PCDHGB4: variants seen among roughly 807,000 people sequenced by gnomAD.
PCDHGB4 encodes protocadherin gamma-B4.
PCDHGB4 carries 38 observed loss-of-function variants against 60.5 expected under a neutral mutation model. That is an observed-to-expected ratio of 0.63 (90% CI 0.48 to 0.82). PCDHGB4 has a LOEUF of 0.82. Among genes scored for constraint, PCDHGB4 ranks in the 40% least tolerant of loss-of-function variants. The pLI, the probability that PCDHGB4 is intolerant of heterozygous loss-of-function variation, is 0.00. For synonymous variants in PCDHGB4, 456 were observed against 509.7 expected, an observed-to-expected ratio of 0.89 and a Z score of 1.42; for missense variants, 1,109 against 1,209.6, an observed-to-expected ratio of 0.92 and a Z score of 1.23.
chr5:141,494,705 G>C, intron 1 of PCDHGB4, 102 bp from the exon 2 acceptor site: 1 of 1,597,990 alleles, frequency 6.3e-7, no homozygotes, highest in Non-Finnish European at 8.6e-7. Flanking sequence ...TTTCTTCTCT[G>C]TGCCCACTCC....
chr5:141,432,305 G>T lies in PCDHGB4; in HGVS notation c.2397+42024G>T. 1 of 1,614,254 alleles carries T rather than the reference G, an allele frequency of 6.2e-7. No individual in the cohort carries two copies. Among genetic ancestry groups the T allele is most frequent in the African/African-American group, 1.3e-5 (1 of 75,072 alleles). ...CAACTCCGACACTGGGGTACTGTAT[G>T]CGCTGAGCTCCTTCGACTACGAGCA... On this transcript the variant is annotated intron_variant, in intron 1 of 3. Transcript: ENST00000519479. This position sits in a 1 kb window ranked among gnomAD's most constrained non-coding sequence, Gnocchi z 6.0.
Position 141,388,437 on chromosome 5 carries a change from A to C in PCDHGB4, c.553A>C (p.Lys185Gln). Residue 185 changes from lysine to glutamine, a missense_variant, in exon 1 of 4, where the codon AAA becomes CAA. Coordinates refer to ENST00000519479, the MANE Select transcript of PCDHGB4 (RefSeq NM_003736.4). ...SDHFSLINKEKSDGSKYPEMV... is the reference protein window; with the variant it reads ...SDHFSLINKEQSDGSKYPEMV... ...TCATTTCTCACTGATAAATAAAGAG[A>C]AATCAGATGGCAGTAAATACCCTGA... The C allele has an allele frequency of 6.2e-7, 1 of 1,613,892 alleles. No homozygotes were observed. Among genetic ancestry groups the C allele is most frequent in the Non-Finnish European group, 8.5e-7 (1 of 1,179,882 alleles).
At chr5:141,472,998 GAAAGAA>G (rs1489589280) in intron 1 of PCDHGB4, among the ~76,000 whole-genome samples, 8 of 134,744 alleles carry the variant, frequency 5.9e-5, no homozygotes, top group South Asian at 2.3e-4. Flanking sequence ...AAAAAAAAAA[GAAAGAA>G]AAAGAAAAAG....
At chr5:141,478,169 G>T in intron 1 of PCDHGB4, 1 of 1,613,834 alleles carries the variant, frequency 6.2e-7, no homozygotes, top group Non-Finnish European at 8.5e-7. Flanking sequence ...TGCCCCCCGG[G>T]AGCAGAAAAA....
intron 1 of PCDHGB4, chr5:141,393,380 C>T (rs771237283): frequency 6.2e-7 from 1 of 1,613,988 alleles, no homozygotes; most frequent in South Asian, 1.1e-5. Context: ...ACAATGGAGC[C>T]ATAAACCCAG....
intron 1 of PCDHGB4, among the ~76,000 whole-genome samples, chr5:141,449,909 A>G (rs2098658849): frequency 6.6e-6 from 1 of 151,828 alleles, no homozygotes; most frequent in Non-Finnish European, 1.5e-5. Context: ...TATAGTCCAT[A>G]TTTAAATTCT....
Position 141,431,222 on chromosome 5 carries a change from C to A in PCDHGB4, c.2397+40941C>A. On this transcript the variant is annotated intron_variant, in intron 1 of 3. Transcript: ENST00000519479. The surrounding 1 kb of genome is among the most constrained non-coding windows in gnomAD (Gnocchi z 4.8). ...AGCCACTGAGATGCGGTTCCCTCTA[C>A]CCCACGCCTGGGATCCGGATATCGG... 3 of 1,614,170 alleles carry A rather than the reference C, an allele frequency of 1.9e-6. No individual in the cohort carries two copies. The highest frequency in any genetic ancestry group is 2.5e-6 in the Non-Finnish European group (3 of 1,180,034).
intron 1 of PCDHGB4, chr5:141,478,432 G>T (rs1238011675): frequency 6.2e-7 from 1 of 1,613,728 alleles, no homozygotes; most frequent in Admixed American, 1.7e-5. Context: ...GCGACCCGCT[G>T]CTGAAGAAAC....
chr5:141,499,414 T>C (rs543824206), intron 2 of PCDHGB4, among the ~76,000 whole-genome samples: 1 of 151,804 alleles, frequency 6.6e-6, no homozygotes, highest in Non-Finnish European at 1.5e-5. Context: ...TATAGAAACA[T>C]GAAAAATAGA....
In PCDHGB4 at chr5:141,409,417, G is replaced by A. The variant is rs774453166; in HGVS notation, c.2397+19136G>A. ...CTTCCAATAACTACTACAAACTGGT[G>A]ACAGATGGAGCCCTGGACCGAGAGC... On this transcript the variant is annotated intron_variant, in intron 1 of 3. Transcript: ENST00000519479. The A allele has an allele frequency of 5.6e-6, 9 of 1,613,880 alleles. No individual in the cohort carries two copies. The South Asian group carries it at 8.8e-5, about 16-fold the overall frequency.
chr5:141,397,816 A>G (rs1403683863), intron 1 of PCDHGB4, among the ~76,000 whole-genome samples: 2 of 152,230 alleles, frequency 1.3e-5, no homozygotes, highest in African/African-American at 4.8e-5. Context: ...CACAAAAACA[A>G]TTACTGCACT....
chr5:141,477,010 C>G lies in PCDHGB4; in HGVS notation c.2398-17797C>G. On this transcript the variant is annotated intron_variant, in intron 1 of 3. Coordinates refer to ENST00000519479, the MANE Select transcript of PCDHGB4 (RefSeq NM_003736.4). This position sits in a 1 kb window ranked among gnomAD's most constrained non-coding sequence, Gnocchi z 4.9. ...GCGTGCGGCAACTATTCGCCTTAGA[C>G]CTTGTAACCGGGATGCTGACAATCA... 4 of 1,614,260 alleles carry G rather than the reference C, an allele frequency of 2.5e-6. No homozygotes were observed. Among genetic ancestry groups the G allele is most frequent in the Non-Finnish European group, 2.5e-6 (3 of 1,180,052 alleles).
At chr5:141,475,996 G>T (rs2099383729) in intron 1 of PCDHGB4, 4 of 1,181,402 alleles carry the variant, frequency 3.4e-6, no homozygotes, top group Non-Finnish European at 3.5e-6. Flanking sequence ...GCAAATCAAC[G>T]GCATCCAGAA....
Position 141,388,695 on chromosome 5 carries a change from G to A in PCDHGB4, c.811G>A (p.Glu271Lys), listed in dbSNP as rs2091456760. Residue 271 changes from glutamate to lysine, a missense_variant, in exon 1 of 4, where the codon GAG becomes AAG. By Grantham distance (56) the Glu-to-Lys change is moderately conservative. Coordinates refer to ENST00000519479, the MANE Select transcript of PCDHGB4 (RefSeq NM_003736.4). ...ACAGGTGACTGCCACGGACCAGGAT[G>A]AGGGTGTCAATGCCGAGATTACTTT... ...VLQVTATDQDEGVNAEITFSF... is the reference protein window; with the variant it reads ...VLQVTATDQDKGVNAEITFSF... The A allele has an allele frequency of 3.7e-6, 6 of 1,614,018 alleles. No homozygotes were observed. Among genetic ancestry groups the A allele is most frequent in the Middle Eastern group, 1.6e-4 (1 of 6,062 alleles).
chr5:141,491,612 G>A lies in PCDHGB4; in HGVS notation c.2398-3195G>A, dbSNP rs759955730. ...GACGGCAGTGACTTCACTTTTCTAAGACCCCTCAGCGTTCAGCAGCCCACA... is the reference window on the plus strand; with the variant it reads ...GACGGCAGTGACTTCACTTTTCTAAAACCCCTCAGCGTTCAGCAGCCCACA... On this transcript the variant is annotated intron_variant, in intron 1 of 3. Coordinates refer to ENST00000519479, the MANE Select transcript of PCDHGB4 (RefSeq NM_003736.4). The surrounding 1 kb of genome is among the most constrained non-coding windows in gnomAD (Gnocchi z 6.9). 6.2e-7 allele frequency: 1 copy of A among 1,613,906 alleles called. No individual in the cohort carries two copies. The highest frequency in any genetic ancestry group is 8.5e-7 in the Non-Finnish European group (1 of 1,180,026).
At position 141,389,048 on chromosome 5, in the gene PCDHGB4, T is replaced by C; in HGVS notation, c.1164T>C (p.Val388=). The C allele has an allele frequency of 6.2e-7, 1 of 1,613,976 alleles. No individual in the cohort carries two copies. The highest frequency in any genetic ancestry group is 2.2e-5 in the East Asian group (1 of 44,880). ...TGACTTGTAAATTGGAAGGTGATGT[T>C]CCATTTAAAATATTAACTTCTTCAA... ...GEVTCKLEGD[V]PFKILTSSRN... is the part of the protein sequence containing the mutation. The change falls in exon 1 of 4, where the codon GTT becomes GTC. Residue 388 remains valine, a synonymous_variant. Transcript: ENST00000519479.
chr5:141,428,436 A>G (rs922762798), intron 1 of PCDHGB4: 5 of 401,736 alleles, frequency 1.2e-5, no homozygotes, highest in Non-Finnish European at 2.3e-5. Flanking sequence ...CTAAGACTAG[A>G]CCAGGGGTTT....
rs746242389 is a variant in PCDHGB4 at position 141,491,254 on chromosome 5, G to C, written c.2398-3553G>C. 3 of 1,614,080 alleles carry C rather than the reference G, an allele frequency of 1.9e-6. No individual in the cohort carries two copies. In the African/African-American group the frequency reaches 4.0e-5, roughly 22 times the overall value. On this transcript the variant is annotated intron_variant, in intron 1 of 3. Transcript: ENST00000519479. This position sits in a 1 kb window ranked among gnomAD's most constrained non-coding sequence, Gnocchi z 6.9. ...GCTGGTTCTGGAGGATGAGGACCCT[G>C]AGGAAATGCCCAAATCCAGTGACTT...
intron 1 of PCDHGB4, chr5:141,399,778 C>A (rs187080333): frequency 6.2e-7 from 1 of 1,613,250 alleles, no homozygotes; most frequent in African/African-American, 1.3e-5. Context: ...GGTGGGCGAC[C>A]GAAACGACAA....
Sources: allele counts gnomAD v4.1 joint callset (sites outside exome capture counted in the v4.1 genomes callset), GRCh38; gene constraint gnomAD v4.1.1; non-coding constraint Gnocchi (gnomAD v3.1); transcripts MANE v1.5; gene names NCBI Gene and HGNC (gene_info 2026-07-23, HGNC 2026-07-21).